RRAS2: variants seen among roughly 807,000 people sequenced by gnomAD.
The protein encoded by RRAS2 is RAS related 2, also known as ras-related protein R-Ras2.
In RRAS2, 7 loss-of-function variants were observed where a neutral mutation model predicts 27.6. The observed-to-expected ratio is 0.25, with a 90% CI of 0.14 to 0.48. RRAS2 has a LOEUF of 0.48. Ranked by LOEUF, RRAS2 falls within the 20% of genes least tolerant of loss-of-function variation. RRAS2 has a pLI of 0.99. For missense variants in RRAS2, 178 were observed against 256.2 expected (o/e 0.69, Z 2.08); for synonymous variants, 86 against 90.9 (o/e 0.95, Z 0.31).
At chr11:14,332,846 G>A (rs191536479) in intron 1 of RRAS2, among the ~76,000 whole-genome samples, 12 of 152,184 alleles carry the variant, frequency 7.9e-5, no homozygotes, top group African/African-American at 2.6e-4. Flanking sequence ...GAAAAAAAAT[G>A]CAACAGTAAA....
chr11:14,300,495 G>A (rs1476049684), intron 1 of RRAS2, among the ~76,000 whole-genome samples: 1 of 152,068 alleles, frequency 6.6e-6, no homozygotes, highest in Non-Finnish European at 1.5e-5. Flanking sequence ...TCAGGGGATT[G>A]CTTGAGCCCA....
At chr11:14,363,197 A>G (rs781844522), upstream of RRAS2, among the ~76,000 whole-genome samples, 3 of 152,218 alleles carry the variant, frequency 2.0e-5, no homozygotes, top group African/African-American at 7.2e-5. Flanking sequence ...CCTGTTCATC[A>G]GGGTCACCAG....
chr11:14,285,849 C>A (rs12284360), intron 4 of RRAS2, among the ~76,000 whole-genome samples: 1 of 152,144 alleles, frequency 6.6e-6, no homozygotes, highest in Non-Finnish European at 1.5e-5. Context: ...CTTTTCCCCC[C>A]GTCTGGCTAT....
At chr11:14,279,700 T>C (rs1280335584) in intron 5 of RRAS2, among the ~76,000 whole-genome samples, 2 of 152,182 alleles carry the variant, frequency 1.3e-5, no homozygotes, top group Non-Finnish European at 2.9e-5. Flanking sequence ...CAATTTGAAA[T>C]TCCATGACTC....
intron 1 of RRAS2, among the ~76,000 whole-genome samples, chr11:14,338,191 C>T (rs1203168363): frequency 6.6e-6 from 1 of 151,972 alleles, no homozygotes; most frequent in Non-Finnish European, 1.5e-5. Flanking sequence ...TAATGTAATA[C>T]CTAGAGTACC....
intron 1 of RRAS2, among the ~76,000 whole-genome samples, chr11:14,296,743 C>A (rs1042474098): frequency 6.6e-6 from 1 of 152,028 alleles, no homozygotes; most frequent in Admixed American, 6.6e-5. Flanking sequence ...TCACTGACAT[C>A]TTTTGTTGTT....
chr11:14,342,281 A>G (rs1848728178), intron 1 of RRAS2, among the ~76,000 whole-genome samples: 2 of 152,220 alleles, frequency 1.3e-5, no homozygotes, highest in Admixed American at 6.5e-5. Flanking sequence ...AGAGGATCAT[A>G]TTTAGAAATA....
At chr11:14,363,883 C>T (rs556615585), upstream of RRAS2, among the ~76,000 whole-genome samples, 4 of 152,122 alleles carry the variant, frequency 2.6e-5, no homozygotes, top group South Asian at 4.2e-4. Context: ...CCAGCCTGAC[C>T]AACATGGAGA....
At chr11:14,284,461 G>A (rs1849613376) in intron 4 of RRAS2, among the ~76,000 whole-genome samples, 1 of 152,150 alleles carries the variant, frequency 6.6e-6, no homozygotes, top group Non-Finnish European at 1.5e-5. Context: ...AAAAGAAGGT[G>A]CATTCTACTG....
At chr11:14,310,783 C>T (rs1847945129) in intron 1 of RRAS2, among the ~76,000 whole-genome samples, 1 of 152,144 alleles carries the variant, frequency 6.6e-6, no homozygotes, top group African/African-American at 2.4e-5. Flanking sequence ...ATATGGTCAC[C>T]CTAAGGTTAT....
intron 1 of RRAS2, among the ~76,000 whole-genome samples, chr11:14,354,247 G>A (rs781343948): frequency 7.9e-5 from 12 of 152,130 alleles, no homozygotes; most frequent in Middle Eastern, 3.2e-3. Flanking sequence ...AATTCAAGAC[G>A]TGAGAAATCA....
chr11:14,361,974 A>G (rs2134051596), upstream of RRAS2, among the ~76,000 whole-genome samples: 1 of 152,344 alleles, frequency 6.6e-6, no homozygotes, highest in East Asian at 1.9e-4. Context: ...TGCTAAATGA[A>G]AGAAGACAGA....
intron 4 of RRAS2, among the ~76,000 whole-genome samples, chr11:14,282,964 A>C (rs78416771): frequency 6.6e-6 from 1 of 152,226 alleles, no homozygotes; most frequent in South Asian, 2.1e-4. Context: ...GTACAATGAC[A>C]TAAGTGGTGA....
At chr11:14,330,553 T>C (rs1260056131) in intron 1 of RRAS2, among the ~76,000 whole-genome samples, 1 of 152,142 alleles carries the variant, frequency 6.6e-6, no homozygotes, top group African/African-American at 2.4e-5. Flanking sequence ...GGGAACACCA[T>C]ACTCAGAAAC....
intron 4 of RRAS2, among the ~76,000 whole-genome samples, chr11:14,289,294 A>C (rs1849748717): frequency 1.3e-5 from 2 of 152,212 alleles, no homozygotes; most frequent in South Asian, 4.1e-4. Flanking sequence ...GAGGGGAAAA[A>C]GAGGGAACAA....
chr11:14,280,833 G>A (rs184714805), intron 5 of RRAS2, among the ~76,000 whole-genome samples: 170 of 149,076 alleles, frequency 1.1e-3, no homozygotes, highest in African/African-American at 4.0e-3. Flanking sequence ...GTATGAAACA[G>A]GGGCCAGGCA....
In RRAS2 at chr11:14,287,871, C is replaced by CA. The variant is rs34954723; in HGVS notation, c.409-6152dup. 5.1e-3 allele frequency among the ~76,000 whole-genome samples: 606 copies of CA among 118,956 alleles called. 3 individuals carry two copies. Among genetic ancestry groups the CA allele is most frequent in the Admixed American group, 0.01 (129 of 12,370 alleles). The allele number at this position is 118,956 out of a possible 152,430, so 78.0% of individuals were successfully genotyped here. A position where few individuals can be genotyped will look rare whatever the true frequency, so the allele number is the denominator to read the frequency against. ...TGGTTGACAGAGCAAGACTCTGTCT[C>CA]AAAAAAAAAAAAAAAAAAAGAAGAA... On this transcript the variant is annotated intron_variant, in intron 4 of 5. Transcript: ENST00000256196.
chr11:14,294,643 TCA>T, intron 3 of RRAS2, 64 bp from the exon 4 acceptor site: 1 of 1,463,928 alleles, frequency 6.8e-7, no homozygotes, highest in Non-Finnish European at 9.4e-7. Context: ...TCAGCAAGTC[TCA>T]TGCCCCAATT....
chr11:14,295,222 A>G (rs2133962569), intron 2 of RRAS2, among the ~76,000 whole-genome samples: 1 of 152,340 alleles, frequency 6.6e-6, no homozygotes, highest in Non-Finnish European at 1.5e-5. Context: ...TGTAAATTCA[A>G]GAAAGAAATC....
Sources: allele counts gnomAD v4.1 joint callset (sites outside exome capture counted in the v4.1 genomes callset), GRCh38; gene constraint gnomAD v4.1.1; transcripts MANE v1.5; gene names NCBI Gene and HGNC (gene_info 2026-07-23, HGNC 2026-07-21).